PPP1R9A: variants seen among roughly 807,000 people sequenced by gnomAD.
The protein encoded by PPP1R9A is protein phosphatase 1 regulatory subunit 9A, also known as neurabin-1.
Under a neutral mutation model 141.9 loss-of-function variants are expected in PPP1R9A, and 59 were observed. The ratio of observed to expected loss-of-function variants is 0.42; its 90% confidence interval spans 0.34 to 0.52. The LOEUF (loss-of-function observed/expected upper bound fraction) is 0.52, where lower values mean the gene tolerates loss of function less well. Among genes scored for constraint, PPP1R9A ranks in the 20% least tolerant of loss-of-function variants. PPP1R9A has a pLI of 0.10. For missense variants in PPP1R9A, 1,444 were observed against 1,611.9 expected (o/e 0.90, Z 1.78); for synonymous variants, 500 against 569.7 (o/e 0.88, Z 1.74).
intron 5 of PPP1R9A, among the ~76,000 whole-genome samples, chr7:95,175,256 T>TTGGATGGA (rs61519780): frequency 0.1 from 14,931 of 146,598 alleles, 1,075 homozygotes; most frequent in East Asian, 0.39. Context: ...CAATAACTAG[T>TTGGATGGA]TGGATGGATG....
chr7:95,058,109 A>G (rs915686590), intron 2 of PPP1R9A, among the ~76,000 whole-genome samples: 4 of 152,188 alleles, frequency 2.6e-5, no homozygotes, highest in African/African-American at 9.7e-5. Flanking sequence ...TACTGTAAAT[A>G]ATCATCTTAA....
At chr7:95,161,778 T>C (rs1035131871) in intron 4 of PPP1R9A, 89 bp from the exon 5 acceptor site, 1 of 827,688 alleles carries the variant, frequency 1.2e-6, no homozygotes, top group African/African-American at 1.7e-5. Flanking sequence ...AAAAATCACA[T>C]ATTTTGTCAA....
intron 1 of PPP1R9A, chr7:94,907,925 C>A (rs1288622606): frequency 6.8e-6 from 1 of 147,578 alleles, no homozygotes; most frequent in Non-Finnish European, 1.5e-5. Flanking sequence ...CGGGGCCGCC[C>A]GCCGCGGGCA....
intron 2 of PPP1R9A, among the ~76,000 whole-genome samples, chr7:95,001,883 G>A: frequency 6.6e-6 from 1 of 152,106 alleles, no homozygotes; most frequent in Admixed American, 6.5e-5. Flanking sequence ...GGAAACCATA[G>A]AGCTCTTCCT....
chr7:95,181,657 ACATATATATAGAATATATATATATTCCG>A (rs1490310004), intron 5 of PPP1R9A, among the ~76,000 whole-genome samples: 57 of 136,860 alleles, frequency 4.2e-4, no homozygotes, highest in Non-Finnish European at 6.1e-4. Context: ...ATATTCCGTC[ACATATATATAGAATATATATATATTCCG>A]TCACATATAT....
chr7:95,286,970 T>A (rs1393998084), intron 18 of PPP1R9A: 8 of 858,528 alleles, frequency 9.3e-6, no homozygotes, highest in Non-Finnish European at 1.4e-5. Flanking sequence ...CAAAACTTTT[T>A]TTTTTCTTGT....
At chr7:95,267,918 G>A (rs1295866064) in intron 12 of PPP1R9A, among the ~76,000 whole-genome samples, 1 of 152,084 alleles carries the variant, frequency 6.6e-6, no homozygotes, top group East Asian at 1.9e-4. Flanking sequence ...CATTTGTGTA[G>A]CCAGACCTTG....
intron 17 of PPP1R9A, 111 bp from the exon 18 acceptor site, chr7:95,286,095 A>T: frequency 6.8e-7 from 1 of 1,477,942 alleles, no homozygotes; most frequent in Non-Finnish European, 9.0e-7. Context: ...CAAATCATAC[A>T]TGAATTTCTG....
chr7:95,151,187 T>C (rs1828605698), intron 4 of PPP1R9A, among the ~76,000 whole-genome samples: 1 of 152,250 alleles, frequency 6.6e-6, no homozygotes, highest in South Asian at 2.1e-4. Flanking sequence ...TAGATGTTTA[T>C]AGCAGTTTTA....
chr7:95,131,283 G>C (rs577789342), intron 4 of PPP1R9A, among the ~76,000 whole-genome samples: 1 of 152,264 alleles, frequency 6.6e-6, no homozygotes, highest in South Asian at 2.1e-4. Flanking sequence ...TGCAGAAGCT[G>C]TTCTCTTGTC....
At chr7:95,161,434 C>T (rs532166838) in intron 4 of PPP1R9A, among the ~76,000 whole-genome samples, 6 of 152,114 alleles carry the variant, frequency 3.9e-5, no homozygotes, top group African/African-American at 7.2e-5. Context: ...CCCTGGGAAT[C>T]CACAGGTGAT....
intron 5 of PPP1R9A, among the ~76,000 whole-genome samples, chr7:95,171,502 G>C (rs1456034081): frequency 6.6e-6 from 1 of 151,532 alleles, no homozygotes; most frequent in Non-Finnish European, 1.5e-5. Context: ...GTTAGAATGA[G>C]AAGGTGTAAT....
intron 2 of PPP1R9A, among the ~76,000 whole-genome samples, chr7:95,010,437 CT>C (rs1257496010): frequency 6.6e-6 from 1 of 152,100 alleles, no homozygotes; most frequent in Non-Finnish European, 1.5e-5. Flanking sequence ...AAATAGCTTC[CT>C]TTAAATGCAG....
At chr7:95,087,843 C>G (rs931028624) in intron 2 of PPP1R9A, among the ~76,000 whole-genome samples, 1 of 150,078 alleles carries the variant, frequency 6.7e-6, no homozygotes, top group Non-Finnish European at 1.5e-5. Context: ...TGCAGTGAGC[C>G]GAGATCGTGC....
intron 2 of PPP1R9A, among the ~76,000 whole-genome samples, chr7:95,075,808 G>C (rs1184035012): frequency 6.6e-6 from 1 of 152,054 alleles, no homozygotes; most frequent in East Asian, 1.9e-4. Context: ...CTGCACTCCA[G>C]CCTGGGCGAC....
At chr7:95,112,154 G>A (rs1820682158) in intron 3 of PPP1R9A, among the ~76,000 whole-genome samples, 2 of 151,988 alleles carry the variant, frequency 1.3e-5, no homozygotes, top group Non-Finnish European at 2.9e-5. Context: ...TGCAAATTAT[G>A]CCTCTAACAA....
intron 4 of PPP1R9A, among the ~76,000 whole-genome samples, chr7:95,130,722 T>G (rs1824434125): frequency 2.0e-5 from 3 of 152,162 alleles, no homozygotes; most frequent in Admixed American, 2.0e-4. Flanking sequence ...GGAACCCACC[T>G]CTTATATCAT....
rs185468991 is a variant in PPP1R9A at position 95,280,882 on chromosome 7, G to A, written c.3297-3136G>A. ...ATAAGAAAGGAAAGAAGGATTTTAT[G>A]TTATTCCTAATGGATTTCTCCACAA... On this transcript the variant is annotated intron_variant, in intron 16 of 19. Coordinates refer to ENST00000433360, the MANE Select transcript of PPP1R9A (RefSeq NM_001166160.2). Among the ~76,000 whole-genome samples the A allele has an allele frequency of 1.4e-4, 21 of 152,248 alleles. No individual in the cohort carries two copies. In the East Asian group the frequency reaches 3.9e-3, roughly 28 times the overall value.
At chr7:95,081,528 A>G (rs974674535) in intron 2 of PPP1R9A, among the ~76,000 whole-genome samples, 12 of 152,228 alleles carry the variant, frequency 7.9e-5, no homozygotes, top group African/African-American at 2.9e-4. Context: ...TTAGACAGTG[A>G]ACAAATGAAG....
Sources: gnomAD v4.1 joint callset for allele counts (sites outside exome capture counted in the v4.1 genomes callset) on GRCh38, gnomAD v4.1.1 for gene constraint, MANE v1.5 for transcripts, NCBI Gene and HGNC (gene_info 2026-07-23, HGNC 2026-07-21) for gene names.